The following VAMP4 variants were observed in gnomAD, a reference collection of about 807,000 sequenced individuals.
VAMP4 encodes vesicle associated membrane protein 4.
In VAMP4, 19 loss-of-function variants were observed where a neutral mutation model predicts 23.5. The observed-to-expected ratio is 0.81, with a 90% confidence interval of 0.56 to 1.19. The LOEUF (loss-of-function observed/expected upper bound fraction) is 1.19. Ranked by LOEUF, VAMP4 falls within the 50% of genes most tolerant of loss-of-function variation. The pLI, the probability that VAMP4 is intolerant of heterozygous loss-of-function variation, is 0.00. For synonymous variants in VAMP4, 31 were observed against 51.0 expected (o/e 0.61, Z 1.67); for missense variants, 145 against 168.6 (o/e 0.86, Z 0.78).
At chr1:171,705,417 G>T (rs1290083236) in intron 7 of VAMP4, among the ~76,000 whole-genome samples, 1 of 152,138 alleles carries the variant, frequency 6.6e-6, no homozygotes, top group African/African-American at 2.4e-5. Context: ...TGCAGAAAAT[G>T]TGGTACTAAA....
At chr1:171,727,148 G>A (rs1655397550) in intron 3 of VAMP4, among the ~76,000 whole-genome samples, 1 of 144,898 alleles carries the variant, frequency 6.9e-6, no homozygotes, top group East Asian at 2.1e-4. Flanking sequence ...GCTGAGGCGA[G>A]AAGATCATTT....
chr1:171,735,760 C>T (rs1009175106), intron 2 of VAMP4, among the ~76,000 whole-genome samples: 1 of 152,196 alleles, frequency 6.6e-6, no homozygotes, highest in East Asian at 1.9e-4. Flanking sequence ...GGATGCATAT[C>T]AAGTCTGTGT....
chr1:171,718,022 AG>A (rs926831484), intron 4 of VAMP4, among the ~76,000 whole-genome samples: 4 of 152,232 alleles, frequency 2.6e-5, no homozygotes, highest in Admixed American at 2.0e-4. Flanking sequence ...CCTGAGCAAA[AG>A]GCTCACCTAA....
intron 6 of VAMP4, 58 bp downstream of exon 6, chr1:171,709,607 T>C: frequency 6.5e-7 from 1 of 1,536,456 alleles, no homozygotes; most frequent in East Asian, 2.3e-5. Flanking sequence ...TTTCTTCATG[T>C]GTTTGAATAC....
At chr1:171,732,702 A>G (rs918554241) in intron 2 of VAMP4, among the ~76,000 whole-genome samples, 1 of 152,212 alleles carries the variant, frequency 6.6e-6, no homozygotes, top group African/African-American at 2.4e-5. Context: ...GACCTTAGAC[A>G]TATTTTGTTA....
chr1:171,733,765 C>G (rs1475967111), intron 2 of VAMP4, among the ~76,000 whole-genome samples: 1 of 152,138 alleles, frequency 6.6e-6, no homozygotes, highest in Admixed American at 6.5e-5. Flanking sequence ...TGGAAAACAG[C>G]TGGGCAGTTC....
chr1:171,725,918 C>T (rs1162759259), intron 3 of VAMP4, among the ~76,000 whole-genome samples: 1 of 151,976 alleles, frequency 6.6e-6, no homozygotes, highest in African/African-American at 2.4e-5. Flanking sequence ...GAACTCCTGA[C>T]CTCAGGTGAT....
chr1:171,728,407 T>C, intron 3 of VAMP4, 117 bp downstream of exon 3: 2 of 763,724 alleles, frequency 2.6e-6, no homozygotes, highest in South Asian at 2.9e-5. Flanking sequence ...TTGGAAGGCA[T>C]CTCTCACGTA....
At chr1:171,706,529 T>G in intron 6 of VAMP4, 111 bp from the exon 7 acceptor site, 1 of 992,440 alleles carries the variant, frequency 1.0e-6, no homozygotes, top group South Asian at 2.4e-5. Context: ...ACCTTAAGGT[T>G]TCTTAACTAC....
intron 4 of VAMP4, among the ~76,000 whole-genome samples, chr1:171,717,730 C>T (rs572611790): frequency 3.3e-5 from 5 of 152,072 alleles, no homozygotes; most frequent in South Asian, 2.1e-4. Context: ...GGATTACAGG[C>T]GTGAAACACT....
At chr1:171,737,524 C>G (rs1655783026) in intron 2 of VAMP4, among the ~76,000 whole-genome samples, 1 of 152,056 alleles carries the variant, frequency 6.6e-6, no homozygotes, top group South Asian at 2.1e-4. Context: ...GTCTGGGGAC[C>G]TTTATTTGCA....
rs1456859414 is a variant in VAMP4 at position 171,704,216 on chromosome 1, T to A, written c.*290A>T. On this transcript the variant is annotated 3_prime_UTR_variant, in exon 8 of 8. Transcript: ENST00000236192. Reference sequence around the variant, plus strand: ...TATGAAATATTATAATCAGTGTTTATATACACAAATAATGAACTGGCAAGT... The same window carrying A: ...TATGAAATATTATAATCAGTGTTTAAATACACAAATAATGAACTGGCAAGT... 2 of 224,336 alleles carry A rather than the reference T, an allele frequency of 8.9e-6. No homozygotes were observed. The highest frequency in any genetic ancestry group is 1.1e-4 in the Admixed American group (2 of 17,460). The allele number at this position is 224,336 out of a possible 1,614,324, so 13.9% of individuals were successfully genotyped here. A position where few individuals can be genotyped will look rare whatever the true frequency, so the allele number is the denominator to read the frequency against.
chr1:171,730,143 C>T (rs937832485), intron 2 of VAMP4, among the ~76,000 whole-genome samples: 2 of 152,178 alleles, frequency 1.3e-5, no homozygotes, highest in Non-Finnish European at 2.9e-5. Context: ...CCTATAAGCT[C>T]ATTTTAGACT....
intron 3 of VAMP4, among the ~76,000 whole-genome samples, chr1:171,721,941 T>C (rs1655206791): frequency 6.6e-6 from 1 of 152,052 alleles, no homozygotes; most frequent in Non-Finnish European, 1.5e-5. Context: ...GAGCCCACAT[T>C]GCCAAGACAA....
intron 7 of VAMP4, 143 bp downstream of exon 7, chr1:171,706,224 A>G: frequency 1.6e-6 from 1 of 628,202 alleles, no homozygotes; most frequent in Non-Finnish European, 2.6e-6. Flanking sequence ...AGATCAATAG[A>G]TTCTAAGAGC....
intron 2 of VAMP4, among the ~76,000 whole-genome samples, chr1:171,737,715 G>A (rs1168618024): frequency 6.6e-6 from 1 of 152,148 alleles, no homozygotes; most frequent in Non-Finnish European, 1.5e-5. Flanking sequence ...CAAAAATGCT[G>A]TTACATAATA....
intron 3 of VAMP4, 49 bp from the exon 4 acceptor site, chr1:171,719,270 A>G (rs1294395480): frequency 6.7e-7 from 1 of 1,482,696 alleles, no homozygotes; most frequent in Admixed American, 1.9e-5. Context: ...CAGGATTAAA[A>G]CAAAACAAAA....
In VAMP4 at chr1:171,709,700, G is replaced by A; in HGVS notation, c.310C>T (p.Gln104Ter). 1 of 1,613,018 alleles carries A rather than the reference G, an allele frequency of 6.2e-7. No homozygotes were observed. Residue 104 changes from glutamine (Q) to a stop codon, truncating the protein, a stop_gained, in exon 6 of 8, where the codon CAA (glutamine) becomes TAA (stop). Transcript: ENST00000236192. LOFTEE classifies it high-confidence loss of function. ...CGCCACCACATTTGCCTTCGAAGTTGTTTGGATCTGTTGCTAAAAGCTGTT... is the reference window on the plus strand; with the variant it reads ...CGCCACCACATTTGCCTTCGAAGTTATTTGGATCTGTTGCTAAAAGCTGTT... ...NATAFSNRSKQLRRQMWWRGC... is the reference protein window; with the variant it reads ...NATAFSNRSK
At chr1:171,706,462 A>C in intron 6 of VAMP4, 44 bp from the exon 7 acceptor site, 1 of 1,548,922 alleles carries the variant, frequency 6.5e-7, no homozygotes, top group Non-Finnish European at 8.8e-7. Flanking sequence ...TTGACTTGTT[A>C]ATAAAGTCAA....
Sources: allele counts gnomAD v4.1 joint callset (sites outside exome capture counted in the v4.1 genomes callset), GRCh38; gene constraint gnomAD v4.1.1; transcripts MANE v1.5; gene names NCBI Gene and HGNC (gene_info 2026-07-23, HGNC 2026-07-21).